DOCK3: variants seen among roughly 807,000 people sequenced by gnomAD.
DOCK3 encodes the protein dedicator of cytokinesis protein 3.
A neutral mutation model predicts 265.6 loss-of-function variants in DOCK3; 60 were observed. The observed-to-expected ratio is 0.23, with a 90% CI of 0.18 to 0.28. The LOEUF (loss-of-function observed/expected upper bound fraction) is 0.28, where lower values mean the gene tolerates loss of function less well. DOCK3 is among the 10% of genes least tolerant of loss of function. The pLI is 1.00. For synonymous variants in DOCK3, 881 were observed against 938.0 expected, an observed-to-expected ratio of 0.94 and a Z score of 1.11; for missense variants, 1,981 against 2,594.3, an observed-to-expected ratio of 0.76 and a Z score of 5.14.
intron 5 of DOCK3, among the ~76,000 whole-genome samples, chr3:51,044,258 T>A (rs796784662): frequency 6.6e-6 from 1 of 152,094 alleles, no homozygotes; most frequent in African/African-American, 2.4e-5. Flanking sequence ...TACAAAAGAA[T>A]GAGATTATGT....
Position 50,703,591 on chromosome 3 carries a change from G to A in DOCK3, c.37+28291G>A, listed in dbSNP as rs528564387. ...TGTGTCCAAGAATTTAGATATTTTCGTTAGGGTTTCCAATTTGTTAGCATA... is the reference window on the plus strand; with the variant it reads ...TGTGTCCAAGAATTTAGATATTTTCATTAGGGTTTCCAATTTGTTAGCATA... On this transcript the variant is annotated intron_variant, in intron 1 of 52. Transcript: ENST00000266037. 2.6e-4 allele frequency among the ~76,000 whole-genome samples: 39 copies of A among 151,802 alleles called. 1 individual carries two copies. The South Asian group carries it at 5.6e-3, about 22-fold the overall frequency.
chr3:51,112,492 T>TA (rs1211082303), intron 9 of DOCK3, among the ~76,000 whole-genome samples: 1 of 152,214 alleles, frequency 6.6e-6, no homozygotes, highest in Non-Finnish European at 1.5e-5. Context: ...GGTGATTCCC[T>TA]AAGCAAAAAT....
chr3:51,020,665 T>A (rs1439099880), intron 5 of DOCK3, among the ~76,000 whole-genome samples: 3 of 151,948 alleles, frequency 2.0e-5, no homozygotes, highest in African/African-American at 7.3e-5. Context: ...AAAGAAGGGA[T>A]CTAGTTTCAA....
At chr3:51,255,673 A>G (rs2079506361) in intron 22 of DOCK3, among the ~76,000 whole-genome samples, 1 of 152,208 alleles carries the variant, frequency 6.6e-6, no homozygotes, top group Admixed American at 6.5e-5. Context: ...AAGCTTGTGC[A>G]TGCATCACAT....
At chr3:51,357,237 C>A (rs1440553329) in intron 44 of DOCK3, 96 bp downstream of exon 44, 12 of 1,381,438 alleles carry the variant, frequency 8.7e-6, no homozygotes, top group Non-Finnish European at 9.8e-6. Flanking sequence ...CCTTAGGTAG[C>A]CTTCCCTACA....
At chr3:51,228,148 C>T in intron 17 of DOCK3, 60 bp downstream of exon 17, 1 of 1,538,830 alleles carries the variant, frequency 6.5e-7, no homozygotes, top group Non-Finnish European at 9.0e-7. Flanking sequence ...CACTCTCACA[C>T]ATGGTTCTCA....
intron 5 of DOCK3, among the ~76,000 whole-genome samples, chr3:50,976,481 A>T (rs2077454982): frequency 1.2e-5 from 1 of 85,292 alleles, no homozygotes; most frequent in Non-Finnish European, 2.3e-5. Context: ...CCTGAGTTCT[A>T]GTTTGATTGC....
intron 27 of DOCK3, among the ~76,000 whole-genome samples, chr3:51,289,272 G>T (rs2081597681): frequency 6.6e-6 from 1 of 152,132 alleles, no homozygotes; most frequent in Non-Finnish European, 1.5e-5. Context: ...AGATACTAGG[G>T]CCTATTTGAA....
rs11418323 is a variant in DOCK3, at chr3:51,246,250, T to TC, written c.2103-475dup. Among the ~76,000 whole-genome samples, 12 of 151,168 alleles carry TC rather than the reference T, an allele frequency of 7.9e-5. 1 individual carries two copies. In the South Asian group the frequency reaches 1.3e-3, roughly 16 times the overall value. ...AGGAAAACTTTTTTTTTTTTTTTTT[T>TC]CAGATGAGATATTGTTCTGTTGCCC... On this transcript the variant is annotated intron_variant, in intron 21 of 52. Coordinates refer to ENST00000266037, the MANE Select transcript of DOCK3 (RefSeq NM_004947.5).
At chr3:50,934,309 A>C (rs577025103) in intron 5 of DOCK3, among the ~76,000 whole-genome samples, 14 of 152,302 alleles carry the variant, frequency 9.2e-5, no homozygotes, top group African/African-American at 3.4e-4. Context: ...ATGTTACATA[A>C]CACCAGGGAT....
intron 5 of DOCK3, among the ~76,000 whole-genome samples, chr3:50,943,470 ATTTTACCTGTATTCT>A (rs1367653442): frequency 6.6e-6 from 1 of 152,104 alleles, no homozygotes; most frequent in Non-Finnish European, 1.5e-5. Context: ...GTAAAGTATA[ATTTTACCTGTATTCT>A]GAAAACATAT....
At chr3:50,997,715 C>T (rs1288431296) in intron 5 of DOCK3, among the ~76,000 whole-genome samples, 4 of 152,056 alleles carry the variant, frequency 2.6e-5, no homozygotes, top group Admixed American at 6.6e-5. Flanking sequence ...TTGAATGCAC[C>T]GCCCCACCCA....
intron 9 of DOCK3, among the ~76,000 whole-genome samples, chr3:51,121,411 G>A (rs2084012812): frequency 6.6e-6 from 1 of 152,162 alleles, no homozygotes; most frequent in Non-Finnish European, 1.5e-5. Context: ...CTTGCTGAGA[G>A]CTGCAGACTG....
At chr3:51,353,759 G>A (rs1422201943) in intron 40 of DOCK3, among the ~76,000 whole-genome samples, 1 of 152,198 alleles carries the variant, frequency 6.6e-6, no homozygotes, top group Non-Finnish European at 1.5e-5. Context: ...CCTGTCCCAG[G>A]AAGCATATGG....
chr3:51,049,507 T>A (rs1028092274), intron 5 of DOCK3, among the ~76,000 whole-genome samples: 5 of 152,104 alleles, frequency 3.3e-5, no homozygotes, highest in Non-Finnish European at 7.3e-5. Flanking sequence ...CAGTTTTCTT[T>A]CGAGGGTACT....
intron 22 of DOCK3, among the ~76,000 whole-genome samples, chr3:51,254,859 CCATTTA>C (rs1448947932): frequency 6.6e-6 from 1 of 152,090 alleles, no homozygotes; most frequent in Admixed American, 6.6e-5. Context: ...AGCATTTAGC[CCATTTA>C]CATTTAAGGT....
chr3:50,940,730 A>T (rs1252260155), intron 5 of DOCK3, among the ~76,000 whole-genome samples: 1 of 152,210 alleles, frequency 6.6e-6, no homozygotes, highest in Non-Finnish European at 1.5e-5. Flanking sequence ...GCAGAGGGAT[A>T]GACACTTAAA....
intron 5 of DOCK3, among the ~76,000 whole-genome samples, chr3:50,972,999 G>A (rs1331290860): frequency 1.6e-5 from 2 of 122,232 alleles, no homozygotes; most frequent in African/African-American, 6.4e-5. Flanking sequence ...TTTGGGGGAA[G>A]TATGGTCATT....
chr3:50,896,918 G>T (rs1553694568), intron 4 of DOCK3, among the ~76,000 whole-genome samples: 5,429 of 152,280 alleles, frequency 0.036, 136 homozygotes, highest in Non-Finnish European at 0.058. Flanking sequence ...AAGTCAGGTA[G>T]TGTGATGCCT....
Sources: gnomAD v4.1 joint callset for allele counts (sites outside exome capture counted in the v4.1 genomes callset) on GRCh38, gnomAD v4.1.1 for gene constraint, MANE v1.5 for transcripts, NCBI Gene and HGNC (gene_info 2026-07-23, HGNC 2026-07-21) for gene names.